Variants in CHLSN observed in about 807,000 individuals in gnomAD.
CHLSN encodes cholesin, also known as protein cholesin.
At chr7:987,369 C>T in the CHLSN span, 20 of 1,591,662 alleles carry the variant, frequency 1.3e-5, no homozygotes, top group Admixed American at 1.9e-4. Flanking sequence ...AGGAGCTAGA[C>T]CGCGTGCTGG....
the CHLSN span, among the ~76,000 whole-genome samples, chr7:1,018,529 A>G: frequency 9.9e-5 from 15 of 151,624 alleles, no homozygotes; most frequent in African/African-American, 3.1e-4. Context: ...GGAGGTCCGC[A>G]CTTCCTGCCC....
At chr7:1,058,261 A>G in the CHLSN span, 1 of 771,460 alleles carries the variant, frequency 1.3e-6, no homozygotes, top group Non-Finnish European at 2.4e-6. Flanking sequence ...TGGACGCCAC[A>G]CTATCTGATC....
the CHLSN span, among the ~76,000 whole-genome samples, chr7:983,678 C>T: frequency 1.3e-5 from 2 of 152,232 alleles, no homozygotes; most frequent in African/African-American, 2.4e-5. Context: ...GCTGAGAGCC[C>T]GCAGGAGGCC....
the CHLSN span, among the ~76,000 whole-genome samples, chr7:1,111,173 G>A: frequency 2.6e-5 from 4 of 152,122 alleles, no homozygotes; most frequent in African/African-American, 4.8e-5. Context: ...TTGAGGAGGC[G>A]GCACCAGATA....
At chr7:981,625 A>T in the CHLSN span, among the ~76,000 whole-genome samples, 1 of 151,620 alleles carries the variant, frequency 6.6e-6, no homozygotes, top group African/African-American at 2.4e-5. Flanking sequence ...GAGGCAGGAG[A>T]ATCGCTCCAA....
chr7:1,057,979 C>T, the CHLSN span: 8 of 770,678 alleles, frequency 1.0e-5, no homozygotes, highest in Admixed American at 1.7e-5. Flanking sequence ...TGGGGTGGCG[C>T]GCTGCTGACC....
the CHLSN span, chr7:1,093,259 C>A: frequency 2.2e-6 from 1 of 456,128 alleles, no homozygotes. Flanking sequence ...TACACAGGAA[C>A]CCTAAAGCAA....
the CHLSN span, chr7:1,078,096 A>G: frequency 6.6e-6 from 1 of 152,200 alleles, no homozygotes; most frequent in African/African-American, 2.4e-5. Context: ...AATGACTGAG[A>G]TTCACGGTGG....
At chr7:1,016,929 G>GCACA in the CHLSN span, among the ~76,000 whole-genome samples, 1 of 101,806 alleles carries the variant, frequency 9.8e-6, no homozygotes, top group African/African-American at 4.3e-5. Context: ...GCAGCACACA[G>GCACA]CAGCACACGC....
chr7:1,040,570 G>C, the CHLSN span, among the ~76,000 whole-genome samples: 1 of 151,968 alleles, frequency 6.6e-6, no homozygotes, highest in Admixed American at 6.6e-5. Flanking sequence ...CTATTTAAAT[G>C]TCAAATGTAA....
At chr7:1,000,678 C>T in the CHLSN span, 10 of 726,962 alleles carry the variant, frequency 1.4e-5, no homozygotes, top group Non-Finnish European at 2.0e-5. Context: ...ACACCAAGGC[C>T]TCATGTGAAG....
chr7:1,081,614 C>T, the CHLSN span, among the ~76,000 whole-genome samples: 6 of 152,230 alleles, frequency 3.9e-5, no homozygotes, highest in Non-Finnish European at 8.8e-5. Context: ...TAGCCAGGTA[C>T]CAGGACCTCA....
the CHLSN span, among the ~76,000 whole-genome samples, chr7:1,088,869 C>T: frequency 6.6e-6 from 1 of 151,934 alleles, no homozygotes; most frequent in Non-Finnish European, 1.5e-5. This position sits in a 1 kb window ranked among gnomAD's most constrained non-coding sequence, Gnocchi z 4.5. Flanking sequence ...TTCCTCTCAC[C>T]CAGGACCACA....
At chr7:1,007,120 G>A in the CHLSN span, among the ~76,000 whole-genome samples, 1 of 152,042 alleles carries the variant, frequency 6.6e-6, no homozygotes, top group African/African-American at 2.4e-5. Context: ...TCCTGGAATG[G>A]GTGGGGTGCC....
At chr7:1,028,095 G>A in the CHLSN span, among the ~76,000 whole-genome samples, 2 of 150,568 alleles carry the variant, frequency 1.3e-5, no homozygotes, top group African/African-American at 4.9e-5. Flanking sequence ...AGCGCGGCTC[G>A]GCCGGCCCGG....
At chr7:988,733 G>A in the CHLSN span, 44 of 1,599,330 alleles carry the variant, frequency 2.8e-5, no homozygotes, top group South Asian at 1.8e-4. Flanking sequence ...CCCGCCTGGC[G>A]TCAGTCCGGC....
the CHLSN span, chr7:984,557 T>C: frequency 6.4e-7 from 1 of 1,561,626 alleles, no homozygotes; most frequent in Non-Finnish European, 8.7e-7. Flanking sequence ...ATCTTCCAGC[T>C]CATCCAGCGA....
At chr7:1,113,040 T>C in the CHLSN span, among the ~76,000 whole-genome samples, 1 of 152,202 alleles carries the variant, frequency 6.6e-6, no homozygotes, top group South Asian at 2.1e-4. Flanking sequence ...AGGATCCTCC[T>C]GTATCTTGAC....
the CHLSN span, among the ~76,000 whole-genome samples, chr7:1,075,119 A>AC: frequency 1.3e-5 from 2 of 152,140 alleles, no homozygotes; most frequent in African/African-American, 4.8e-5. Flanking sequence ...ATCCAACACA[A>AC]CCCGTCCTCT....
Sources: allele counts gnomAD v4.1 joint callset (sites outside exome capture counted in the v4.1 genomes callset), GRCh38; gene constraint gnomAD v4.1.1; non-coding constraint Gnocchi (gnomAD v3.1); transcripts MANE v1.5; gene names NCBI Gene and HGNC (gene_info 2026-07-23, HGNC 2026-07-21).